Variants in PIGN observed in about 807,000 individuals in gnomAD.
PIGN encodes GPI ethanolamine phosphate transferase 1.
In PIGN, 117 loss-of-function variants were observed where a neutral mutation model predicts 125.4. The observed-to-expected ratio is 0.93, with a 90% CI of 0.80 to 1.09. The LOEUF (loss-of-function observed/expected upper bound fraction) is 1.09, where lower values mean the gene tolerates loss of function less well. Among genes scored for constraint, PIGN ranks in the 50% least tolerant of loss-of-function variants. PIGN has a pLI of 0.00. For missense variants in PIGN, 1,075 were observed against 1,094.9 expected (o/e 0.98, Z 0.26); for synonymous variants, 392 against 377.8 (o/e 1.04, Z -0.44).
rs561165448 is a variant in PIGN at position 62,019,871 on chromosome 18, C to T, written c.2143-2130G>A. The stretch of plus-strand genomic sequence containing the variant: ...CCTGACAGTCCCTTCATAACCCTTT[C>T]TGACTTTAGGCACTTTCCAGACTGT... On this transcript the variant is annotated intron_variant, in intron 23 of 24. Coordinates refer to the PIGN transcript ENST00000639600. Among the ~76,000 whole-genome samples the T allele has an allele frequency of 1.2e-4, 19 of 152,376 alleles. No individual in the cohort carries two copies. The South Asian group carries it at 1.9e-3, about 15-fold the overall frequency.
At position 62,106,886 on chromosome 18, in the gene PIGN, T is replaced by C; in HGVS notation, c.1675-5A>G. 1 of 1,601,516 alleles carries C rather than the reference T, an allele frequency of 6.2e-7. No homozygotes were observed. ...GCGGTAGAAAAAACTGAGAACCTAG[T>C]AATGCATTCCAAAGAAGGAATGAAA... On this transcript the variant is annotated splice_region_variant and splice_polypyrimidine_tract_variant and intron_variant, in intron 18 of 30. Coordinates refer to ENST00000640252, the MANE Select transcript of PIGN (RefSeq NM_176787.5).
Position 62,084,435 on chromosome 18 carries a change from A to T in PIGN, c.2502+96T>A, listed in dbSNP as rs901293151. On this transcript the variant is annotated intron_variant, in intron 27 of 30. Transcript: ENST00000640252. Reference sequence around the variant, plus strand: ...GTTTAGCAGTGCCAACTCTGAAAGGATATCTTCTTTCCATTGCTACTTAAC... The same window carrying T: ...GTTTAGCAGTGCCAACTCTGAAAGGTTATCTTCTTTCCATTGCTACTTAAC... 3 of 745,764 alleles carry T rather than the reference A, an allele frequency of 4.0e-6. No homozygotes were observed. In the African/African-American group the frequency reaches 5.4e-5, roughly 13 times the overall value. The allele number at this position is 745,764 out of a possible 1,614,324, so 46.2% of individuals were successfully genotyped here.
chr18:62,038,715 G>A (rs977722754), downstream of PIGN, among the ~76,000 whole-genome samples: 3 of 152,058 alleles, frequency 2.0e-5, no homozygotes, highest in Non-Finnish European at 4.4e-5. Context: ...CAGATTGCAT[G>A]AGCCCAGGAA....
chr18:62,149,469 A>C (rs1211227224), intron 7 of PIGN, among the ~76,000 whole-genome samples: 3 of 152,184 alleles, frequency 2.0e-5, no homozygotes, highest in Admixed American at 6.5e-5. Context: ...TTACATCTAT[A>C]ATTTGTTCTA....
At chr18:62,048,780 C>A (rs1401507584) in intron 30 of PIGN, among the ~76,000 whole-genome samples, 3 of 150,330 alleles carry the variant, frequency 2.0e-5, no homozygotes, top group Admixed American at 2.0e-4. Flanking sequence ...TATACATGTG[C>A]CATGCTGGTG....
intron 23 of PIGN, among the ~76,000 whole-genome samples, chr18:62,018,337 G>GC (rs149852590): frequency 0.014 from 2,088 of 152,290 alleles, 26 homozygotes; most frequent in Middle Eastern, 0.085. Flanking sequence ...TGAGGCGAGG[G>GC]CTCATGCACA....
intron 27 of PIGN, 104 bp from the exon 28 acceptor site, chr18:62,082,850 T>C (rs906020268): frequency 4.5e-6 from 3 of 667,914 alleles, no homozygotes; most frequent in Non-Finnish European, 8.0e-6. Flanking sequence ...ATTTCTCAAG[T>C]AACTTTTATA....
intron 14 of PIGN, among the ~76,000 whole-genome samples, chr18:62,125,581 G>T (rs560066334): frequency 2.6e-5 from 4 of 152,032 alleles, no homozygotes; most frequent in African/African-American, 9.6e-5. Context: ...AATACTTTAA[G>T]GTTCTTTACA....
In PIGN at chr18:62,154,446, C is replaced by T. The variant is rs985396753; in HGVS notation, c.549+99G>A. The T allele has an allele frequency of 8.5e-6, 6 of 702,774 alleles. No individual in the cohort carries two copies. The Admixed American group carries it at 1.0e-4, about 12-fold the overall frequency. The allele number at this position is 702,774 out of a possible 1,614,324, so 43.5% of individuals were successfully genotyped here. On this transcript the variant is annotated intron_variant, in intron 7 of 30. Coordinates refer to ENST00000640252, the MANE Select transcript of PIGN (RefSeq NM_176787.5). Reference sequence around the variant, plus strand: ...CAGAACAGTGTGCTACAACATAGAACTTTCAAAGCTCATGAAAACAGAAAA... The same window carrying T: ...CAGAACAGTGTGCTACAACATAGAATTTTCAAAGCTCATGAAAACAGAAAA...
At chr18:62,154,407 T>A in intron 7 of PIGN, 138 bp downstream of exon 7, 1 of 535,072 alleles carries the variant, frequency 1.9e-6, no homozygotes, top group Non-Finnish European at 3.3e-6. Flanking sequence ...TTTTTAGAAT[T>A]AAATCTTAGA....
intron 1 of PIGN, among the ~76,000 whole-genome samples, chr18:62,169,680 G>A (rs556297667): frequency 4.0e-5 from 6 of 151,612 alleles, no homozygotes; most frequent in African/African-American, 9.7e-5. Context: ...CAGTGCAGTC[G>A]TACGATCACG....
intron 23 of PIGN, among the ~76,000 whole-genome samples, chr18:62,024,827 A>G (rs1287765623): frequency 6.6e-6 from 1 of 152,236 alleles, no homozygotes; most frequent in Non-Finnish European, 1.5e-5. Flanking sequence ...GTTTCTCTAT[A>G]AAACAAAACA....
rs537228373 is a variant in PIGN at position 62,106,884 on chromosome 18, A to G, written c.1675-3T>C. ...TAGCGGTAGAAAAAACTGAGAACCT[A>G]GTAATGCATTCCAAAGAAGGAATGA... On this transcript the variant is annotated splice_region_variant and splice_polypyrimidine_tract_variant and intron_variant, in intron 18 of 30. Transcript: ENST00000640252. The G allele has an allele frequency of 6.2e-7, 1 of 1,602,430 alleles. No individual in the cohort carries two copies. The highest frequency in any genetic ancestry group is 1.1e-5 in the South Asian group (1 of 89,080).
chr18:62,110,132 C>T (rs1488399929), intron 16 of PIGN, 159 bp from the exon 17 acceptor site: 2 of 616,534 alleles, frequency 3.2e-6, no homozygotes, highest in African/African-American at 1.9e-5. Flanking sequence ...GGAAAAAAAT[C>T]TATTATTTGA....
chr18:62,088,715 G>A, intron 25 of PIGN, 41 bp downstream of exon 25: 1 of 1,027,802 alleles, frequency 9.7e-7, no homozygotes, highest in East Asian at 2.6e-5. Context: ...CCATTAAGTG[G>A]GAGTTGCAGC....
intron 7 of PIGN, 119 bp downstream of exon 7, chr18:62,154,426 C>A: frequency 1.6e-6 from 1 of 620,730 alleles, no homozygotes; most frequent in Non-Finnish European, 2.8e-6. Flanking sequence ...GAATTCAGAA[C>A]AGTGTGCTAC....
intron 23 of PIGN, among the ~76,000 whole-genome samples, chr18:62,028,966 T>C (rs773064342): frequency 1.4e-4 from 21 of 152,212 alleles, no homozygotes; most frequent in East Asian, 9.6e-4. Context: ...GCAGCTATTA[T>C]GTAAAATGGT....
intron 14 of PIGN, among the ~76,000 whole-genome samples, chr18:62,120,284 G>C (rs2035250849): frequency 1.3e-5 from 2 of 152,122 alleles, no homozygotes; most frequent in African/African-American, 4.8e-5. Flanking sequence ...AGGAATGATG[G>C]AATGACATCC....
chr18:62,054,739 G>C (rs1440927421), intron 30 of PIGN, among the ~76,000 whole-genome samples: 1 of 151,854 alleles, frequency 6.6e-6, no homozygotes, highest in East Asian at 1.9e-4. Flanking sequence ...CAATCTGCCC[G>C]CTTTGGCCCT....
Sources: gnomAD v4.1 joint callset for allele counts (sites outside exome capture counted in the v4.1 genomes callset) on GRCh38, gnomAD v4.1.1 for gene constraint, MANE v1.5 for transcripts, NCBI Gene and HGNC (gene_info 2026-07-23, HGNC 2026-07-21) for gene names.